Variants in EXOC4 observed in about 807,000 individuals in gnomAD.
The protein encoded by EXOC4 is SEC8-like 1.
In EXOC4, 71 loss-of-function variants were observed where a neutral mutation model predicts 107.2. The ratio of observed to expected loss-of-function variants is 0.66; its 90% CI spans 0.55 to 0.81. The LOEUF (loss-of-function observed/expected upper bound fraction) is 0.81. Ranked by LOEUF, EXOC4 falls within the 30% of genes least tolerant of loss-of-function variation. EXOC4 has a pLI of 0.00. For missense variants in EXOC4, 1,108 were observed against 1,189.6 expected (o/e 0.93, Z 1.01); for synonymous variants, 456 against 441.2 (o/e 1.03, Z -0.42).
intron 14 of EXOC4, among the ~76,000 whole-genome samples, chr7:133,996,810 G>A (rs1396474779): frequency 6.6e-6 from 1 of 152,080 alleles, no homozygotes; most frequent in African/African-American, 2.4e-5. Flanking sequence ...GGAATGTTTT[G>A]GTAGGTAAAT....
At chr7:133,849,998 A>G (rs1406307007) in intron 11 of EXOC4, among the ~76,000 whole-genome samples, 1 of 152,182 alleles carries the variant, frequency 6.6e-6, no homozygotes, top group Non-Finnish European at 1.5e-5. Flanking sequence ...TGAGTTATTC[A>G]TGGCCATAAT....
intron 11 of EXOC4, among the ~76,000 whole-genome samples, chr7:133,886,673 TGAA>T (rs1371502822): frequency 6.6e-6 from 1 of 152,212 alleles, no homozygotes; most frequent in Non-Finnish European, 1.5e-5. Flanking sequence ...GAAATTATAA[TGAA>T]GAAAATCAGG....
chr7:133,774,358 G>A (rs1196887560), intron 10 of EXOC4, among the ~76,000 whole-genome samples: 1 of 152,018 alleles, frequency 6.6e-6, no homozygotes, highest in Non-Finnish European at 1.5e-5. Flanking sequence ...AGATGCCCCA[G>A]TAGGAAGTAG....
intron 5 of EXOC4, among the ~76,000 whole-genome samples, chr7:133,317,678 C>T (rs1795022159): frequency 6.6e-6 from 1 of 151,582 alleles, no homozygotes; most frequent in Non-Finnish European, 1.5e-5. Flanking sequence ...GTTTTTCTTT[C>T]TTTCTTTCTT....
chr7:133,457,832 G>A (rs897654424), intron 7 of EXOC4, among the ~76,000 whole-genome samples: 1 of 151,770 alleles, frequency 6.6e-6, no homozygotes, highest in African/African-American at 2.4e-5. Flanking sequence ...AGGTATTTTG[G>A]TTAGTTCTGT....
intron 9 of EXOC4, among the ~76,000 whole-genome samples, chr7:133,484,770 A>T (rs1176918798): frequency 2.0e-5 from 3 of 152,138 alleles, no homozygotes; most frequent in Non-Finnish European, 4.4e-5. Context: ...TTTAAATGAT[A>T]AAGTGATGTT....
At chr7:134,069,628 G>A (rs1796245963), downstream of EXOC4, among the ~76,000 whole-genome samples, 1 of 152,160 alleles carries the variant, frequency 6.6e-6, no homozygotes, top group African/African-American at 2.4e-5. Flanking sequence ...CTCTCAAGTA[G>A]CTGGAACTAC....
At chr7:133,903,018 C>A (rs559012522) in intron 12 of EXOC4, among the ~76,000 whole-genome samples, 1 of 152,172 alleles carries the variant, frequency 6.6e-6, no homozygotes, top group African/African-American at 2.4e-5. Flanking sequence ...AGGAAAGGCT[C>A]CAAGGAGTTG....
chr7:133,942,809 G>T (rs765034918), intron 14 of EXOC4, among the ~76,000 whole-genome samples: 1 of 152,108 alleles, frequency 6.6e-6, no homozygotes, highest in Non-Finnish European at 1.5e-5. Context: ...ATTTTCTTGT[G>T]CCTAAACAGA....
chr7:134,088,228 C>T, the EXOC4 span, among the ~76,000 whole-genome samples: 2 of 152,182 alleles, frequency 1.3e-5, no homozygotes, highest in Non-Finnish European at 2.9e-5. Context: ...CACACCATTC[C>T]ACTCAAAGCC....
chr7:133,959,457 C>CA (rs1563071822), intron 14 of EXOC4, among the ~76,000 whole-genome samples: 1 of 149,310 alleles, frequency 6.7e-6, no homozygotes, highest in Admixed American at 6.6e-5. Context: ...AAAAAAAAGA[C>CA]AAAAAAGAAA....
At chr7:133,568,242 AT>A (rs1317183657) in intron 9 of EXOC4, among the ~76,000 whole-genome samples, 61 of 146,498 alleles carry the variant, frequency 4.2e-4, no homozygotes, top group East Asian at 1.0e-3. Context: ...GATTTCTAGG[AT>A]TTTTTTTTTT....
intron 10 of EXOC4, among the ~76,000 whole-genome samples, chr7:133,659,137 A>G (rs532729583): frequency 6.7e-6 from 1 of 150,318 alleles, no homozygotes; most frequent in Admixed American, 6.7e-5. Context: ...GACCATCCAT[A>G]GGTAATAGAG....
intron 7 of EXOC4, among the ~76,000 whole-genome samples, chr7:133,403,583 A>G (rs1303429018): frequency 6.6e-6 from 1 of 152,188 alleles, no homozygotes; most frequent in Non-Finnish European, 1.5e-5. Flanking sequence ...AGGCAGCTGT[A>G]TTCTCCATTT....
intron 7 of EXOC4, among the ~76,000 whole-genome samples, chr7:133,419,973 T>G (rs569484715): frequency 4.8e-4 from 72 of 151,400 alleles, no homozygotes; most frequent in African/African-American, 1.7e-3. Flanking sequence ...TCTTTTTTTT[T>G]TTTTTTTTTA....
chr7:133,728,838 C>T (rs1231837189), intron 10 of EXOC4, among the ~76,000 whole-genome samples: 2 of 152,264 alleles, frequency 1.3e-5, no homozygotes, highest in East Asian at 3.9e-4. Flanking sequence ...TCCACCCTAA[C>T]ATACTGTTAG....
intron 10 of EXOC4, among the ~76,000 whole-genome samples, chr7:133,746,359 A>G (rs1795677596): frequency 6.6e-6 from 1 of 152,142 alleles, no homozygotes. Context: ...TTAAAGCCTT[A>G]TTGTAGGTGA....
chr7:133,777,834 T>C (rs1796378435), intron 10 of EXOC4, among the ~76,000 whole-genome samples: 1 of 152,208 alleles, frequency 6.6e-6, no homozygotes. Context: ...GTAAAGTTAT[T>C]AGAAAATCCT....
intron 5 of EXOC4, among the ~76,000 whole-genome samples, chr7:133,340,014 C>G (rs1361143158): frequency 6.6e-6 from 1 of 152,102 alleles, no homozygotes; most frequent in Non-Finnish European, 1.5e-5. Context: ...TTTTTCTTGT[C>G]TAATTGCTCT....
Sources: allele counts gnomAD v4.1 joint callset (sites outside exome capture counted in the v4.1 genomes callset), GRCh38; gene constraint gnomAD v4.1.1; transcripts MANE v1.5; gene names NCBI Gene and HGNC (gene_info 2026-07-23, HGNC 2026-07-21).